Variants in ITPR2 observed in about 807,000 individuals in gnomAD.
ITPR2 encodes inositol 1,4,5-trisphosphate-gated calcium channel ITPR2.
A neutral mutation model predicts 317.1 loss-of-function variants in ITPR2; 207 were observed. The ratio of observed to expected loss-of-function variants is 0.65; its 90% confidence interval spans 0.58 to 0.73. The LOEUF (loss-of-function observed/expected upper bound fraction) is 0.73. Among genes scored for constraint, ITPR2 ranks in the 30% least tolerant of loss-of-function variants. ITPR2 has a pLI of 0.00. For synonymous variants in ITPR2, 1,156 were observed against 1,149.1 expected (o/e 1.01, Z -0.12); for missense variants, 2,613 against 3,284.0 (o/e 0.80, Z 4.99).
chr12:26,552,419 G>A (rs145756569), intron 36 of ITPR2, among the ~76,000 whole-genome samples: 183 of 152,104 alleles, frequency 1.2e-3, no homozygotes, highest in African/African-American at 4.4e-3. Context: ...CAAACTCAAG[G>A]GATCCCCCTG....
intron 51 of ITPR2, among the ~76,000 whole-genome samples, chr12:26,414,345 T>C (rs1287437702): frequency 1.3e-5 from 2 of 152,096 alleles, no homozygotes; most frequent in African/African-American, 4.8e-5. Context: ...ATCGTCAATT[T>C]AGTAATTAAG....
intron 26 of ITPR2, among the ~76,000 whole-genome samples, chr12:26,620,417 T>C (rs1591969705): frequency 1.3e-5 from 2 of 152,382 alleles, no homozygotes; most frequent in South Asian, 4.1e-4. Flanking sequence ...AAACGGCTTA[T>C]ATGCCTGCAG....
At chr12:26,559,635 C>T (rs1365966687) in intron 35 of ITPR2, among the ~76,000 whole-genome samples, 4 of 152,170 alleles carry the variant, frequency 2.6e-5, no homozygotes. Flanking sequence ...ACACTCAGGG[C>T]ACAGCCATAG....
chr12:26,339,263 A>G lies in ITPR2; in HGVS notation c.*134T>C. 1.4e-6 allele frequency: 1 copy of G among 714,168 alleles called. No homozygotes were observed. The highest frequency in any genetic ancestry group is 2.5e-5 in the Admixed American group (1 of 40,362). The allele number at this position is 714,168 out of a possible 1,614,324, so 44.2% of individuals were successfully genotyped here. A position where few individuals can be genotyped will look rare whatever the true frequency, so the allele number is the denominator to read the frequency against. On this transcript the variant is annotated 3_prime_UTR_variant, in exon 57 of 57. Transcript: ENST00000381340. Reference sequence around the variant, plus strand: ...TATAAATTGTTCTCGGAGCTAACCCACTCAACATCTTGGCACTTGGTTGTT... The same window carrying G: ...TATAAATTGTTCTCGGAGCTAACCCGCTCAACATCTTGGCACTTGGTTGTT...
chr12:26,461,884 G>C (rs1290500213), intron 45 of ITPR2, among the ~76,000 whole-genome samples: 1 of 150,438 alleles, frequency 6.6e-6, no homozygotes, highest in Non-Finnish European at 1.5e-5. Flanking sequence ...TAATCACTTG[G>C]TTGTGACAGA....
Position 26,494,294 on chromosome 12 carries a change from T to G in ITPR2, c.5229A>C (p.Ser1743=), listed in dbSNP as rs1316071430. 6.2e-7 allele frequency: 1 copy of G among 1,612,680 alleles called. No homozygotes were observed. Among genetic ancestry groups the G allele is most frequent in the South Asian group, 1.1e-5 (1 of 90,760 alleles). The change falls in exon 39 of 57, where the codon TCA becomes TCC. Residue 1743 remains serine (S), a synonymous_variant. Coordinates refer to ENST00000381340, the MANE Select transcript of ITPR2 (RefSeq NM_002223.4). ...QDSDKMGISM[S]DIQCLLDKEG... ...CTTTATCCAGCAGACACTGAATGTC[T>G]GACATTGATATCCCCATCTTATCTG...
intron 37 of ITPR2, among the ~76,000 whole-genome samples, chr12:26,496,625 TTC>T (rs1440271439): frequency 2.6e-5 from 4 of 152,178 alleles, no homozygotes; most frequent in African/African-American, 9.7e-5. Context: ...AGAATATTCC[TTC>T]TCTTTCAAAT....
rs757846948 is a variant in ITPR2, at chr12:26,419,059, T to A, written c.7100A>T (p.Tyr2367Phe). The A allele has an allele frequency of 6.2e-7, 1 of 1,613,250 alleles. No individual in the cohort carries two copies. The highest frequency in any genetic ancestry group is 8.5e-7 in the Non-Finnish European group (1 of 1,179,600). Reference sequence around the variant, plus strand: ...TAGAGATGTACTCACCAGGAAGCTATAGAAGAATTCATGGACAAAAAGGCC... The same window carrying A: ...TAGAGATGTACTCACCAGGAAGCTAAAGAAGAATTCATGGACAAAAAGGCC... ...MLGLFVHEFF[Y>F]SFLLFDLVYR... The change falls in exon 50 of 57, where the codon TAT becomes TTT. Residue 2367 changes from tyrosine to phenylalanine, a missense_variant. By Grantham distance (22) the Tyr-to-Phe change is conservative. Around this residue, in one of 9 missense-constraint regions of ITPR2, gnomAD observed 78 missense variants for 110.3 expected, o/e 0.71. Transcript: ENST00000381340.
chr12:26,651,100 G>A (rs1947242703), intron 21 of ITPR2, among the ~76,000 whole-genome samples: 1 of 152,004 alleles, frequency 6.6e-6, no homozygotes, highest in Non-Finnish European at 1.5e-5. Flanking sequence ...TACCATTCTG[G>A]ATAATTACAC....
At chr12:26,440,636 G>T (rs926025626) in intron 46 of ITPR2, among the ~76,000 whole-genome samples, 2 of 151,952 alleles carry the variant, frequency 1.3e-5, no homozygotes, top group East Asian at 3.9e-4. Context: ...ATTTAGTAGG[G>T]TAAATAAAAA....
chr12:26,712,699 C>A (rs1948670545), intron 8 of ITPR2, among the ~76,000 whole-genome samples: 1 of 151,646 alleles, frequency 6.6e-6, no homozygotes, highest in African/African-American at 2.4e-5. Flanking sequence ...TATATAAATG[C>A]TAAGGTTAAC....
At chr12:26,827,918 G>A (rs1435672762) in intron 1 of ITPR2, among the ~76,000 whole-genome samples, 2 of 152,232 alleles carry the variant, frequency 1.3e-5, no homozygotes, top group African/African-American at 4.8e-5. Flanking sequence ...TTAACAATTC[G>A]TACGCCTTTG....
At chr12:26,738,105 G>C (rs1565729118) in intron 2 of ITPR2, among the ~76,000 whole-genome samples, 1 of 152,140 alleles carries the variant, frequency 6.6e-6, no homozygotes, top group Non-Finnish European at 1.5e-5. Context: ...GCTTTACACA[G>C]ATTCTTTAAT....
chr12:26,435,820 T>C (rs764947931), intron 48 of ITPR2, among the ~76,000 whole-genome samples: 1 of 152,162 alleles, frequency 6.6e-6, no homozygotes, highest in Non-Finnish European at 1.5e-5. Context: ...ATGCTCACTA[T>C]AGAAACCTTA....
chr12:26,811,615 G>C (rs1481142800), intron 1 of ITPR2, among the ~76,000 whole-genome samples: 1 of 150,972 alleles, frequency 6.6e-6, no homozygotes, highest in Admixed American at 6.6e-5. Flanking sequence ...TGAACCCGGG[G>C]GGCAGAGCCT....
chr12:26,774,798 G>A (rs1030312453), intron 2 of ITPR2, among the ~76,000 whole-genome samples: 8 of 152,162 alleles, frequency 5.3e-5, no homozygotes, highest in Non-Finnish European at 1.0e-4. Context: ...CTCTGCATGA[G>A]AGCTCTCCCT....
At chr12:26,567,963 TA>T (rs1480735428) in intron 34 of ITPR2, among the ~76,000 whole-genome samples, 35 of 18,934 alleles carry the variant, frequency 1.8e-3, no homozygotes, top group African/African-American at 4.6e-3. Flanking sequence ...TATATATATA[TA>T]TATATTATAT....
chr12:26,513,304 G>A (rs556450227), intron 37 of ITPR2, among the ~76,000 whole-genome samples: 4 of 152,108 alleles, frequency 2.6e-5, no homozygotes, highest in Admixed American at 1.3e-4. Context: ...GCTTAAATTC[G>A]AATTAAGATT....
At chr12:26,652,797 G>A (rs1947286127) in intron 21 of ITPR2, among the ~76,000 whole-genome samples, 1 of 152,198 alleles carries the variant, frequency 6.6e-6, no homozygotes, top group Non-Finnish European at 1.5e-5. Flanking sequence ...CATTGCAGAT[G>A]AGCTCTGCCT....
Sources: gnomAD v4.1 joint callset for allele counts (sites outside exome capture counted in the v4.1 genomes callset) on GRCh38, gnomAD v4.1.1 for gene constraint, gnomAD v4.1.1 regional missense constraint, MANE v1.5 for transcripts, NCBI Gene and HGNC (gene_info 2026-07-23, HGNC 2026-07-21) for gene names.